RNF126: variants seen among roughly 807,000 people sequenced by gnomAD.
The protein encoded by RNF126 is ring finger protein 126, also known as E3 ubiquitin-protein ligase RNF126.
RNF126 carries 20 observed loss-of-function variants against 41.9 expected under a neutral mutation model. That is an observed-to-expected ratio of 0.48 (90% CI 0.34 to 0.69). The LOEUF (loss-of-function observed/expected upper bound fraction) is 0.69, where lower values mean the gene tolerates loss of function less well. Ranked by LOEUF, RNF126 falls within the 30% of genes least tolerant of loss-of-function variation. The pLI is 0.01. For synonymous variants in RNF126, 239 were observed against 202.9 expected (o/e 1.18, Z -1.51); for missense variants, 433 against 460.6 (o/e 0.94, Z 0.55).
rs2030115634 is a variant in RNF126, at chr19:648,872, GCT to G, written c.670+8_670+9del. 2 of 1,437,284 alleles carry G rather than the reference GCT, an allele frequency of 1.4e-6. No individual in the cohort carries two copies. The highest frequency in any genetic ancestry group is 2.5e-5 in the Admixed American group (1 of 39,490). The allele number at this position is 1,437,284 out of a possible 1,614,324, so 89.0% of individuals were successfully genotyped here. The stretch of plus-strand genomic sequence containing the variant: ...TAATTCCCACTACTCGGGAGGCTGA[GCT>G]CTCATACCTACGTGCTCCTCAGTGA... On this transcript the variant is annotated splice_region_variant and intron_variant, in intron 7 of 8. Coordinates refer to ENST00000292363, the MANE Select transcript of RNF126 (RefSeq NM_194460.3).
At chr19:657,537 C>T (rs2030609368) in intron 1 of RNF126, among the ~76,000 whole-genome samples, 1 of 152,228 alleles carries the variant, frequency 6.6e-6, no homozygotes, top group Admixed American at 6.5e-5. Flanking sequence ...CCCACTCCAG[C>T]GTCGGGGCCT....
rs1309787009 is a variant in RNF126, at chr19:663,104, C to T, written c.18G>A (p.Pro6=). The T allele has an allele frequency of 4.5e-6, 6 of 1,337,198 alleles. No homozygotes were observed. The highest frequency in any genetic ancestry group is 2.9e-5 in the Admixed American group (1 of 34,062). The allele number at this position is 1,337,198 out of a possible 1,614,324, so 82.8% of individuals were successfully genotyped here. A position where few individuals can be genotyped will look rare whatever the true frequency, so the allele number is the denominator to read the frequency against. ...AGTGGCAGAAGTACCGTCCGGGATG[C>T]GGCGACGCCTCGGCCATGGCCGCCG... MAEAS[P]HPGRYFCHCC... is the part of the protein sequence containing the mutation. Residue 6 remains proline (P), a synonymous_variant, in exon 1 of 9, where the codon CCG becomes CCA. Coordinates refer to ENST00000292363, the MANE Select transcript of RNF126 (RefSeq NM_194460.3).
Position 648,132 on chromosome 19 carries a change from G to T in RNF126, c.932C>A (p.Ser311Ter). ...TTCCCGACGGCCGACGTGGGCTCAC[G>T]AGTTGCTTGTGGCGTTCTCGTTGCT... ...SPSNENATSN[S>*] The change falls in exon 9 of 9, where the codon TCG (serine) becomes TAG (stop). Residue 311 changes from serine to a stop codon, truncating the protein, a stop_gained. Coordinates refer to ENST00000292363, the MANE Select transcript of RNF126 (RefSeq NM_194460.3). LOFTEE classifies it high-confidence loss of function. 6.3e-7 allele frequency: 1 copy of T among 1,583,430 alleles called. No homozygotes were observed. Among genetic ancestry groups the T allele is most frequent in the Admixed American group, 1.7e-5 (1 of 58,282 alleles).
chr19:663,149 C>T lies in RNF126; in HGVS notation c.-28G>A. 4 of 1,138,338 alleles carry T rather than the reference C, an allele frequency of 3.5e-6. No homozygotes were observed. The highest frequency in any genetic ancestry group is 4.4e-6 in the Non-Finnish European group (4 of 917,442). 70.5% of individuals were successfully genotyped at this position (1,138,338 alleles called of 1,614,324 possible). ...CCGCCGCCACCTACTCCGCGCCGCC[C>T]GCCCCCCGCGCGGCACCCGCCGCCG... On this transcript the variant is annotated 5_prime_UTR_variant, in exon 1 of 9. Transcript: ENST00000292363.
At chr19:655,602 A>C (rs2144768861) in intron 1 of RNF126, among the ~76,000 whole-genome samples, 1 of 152,216 alleles carries the variant, frequency 6.6e-6, no homozygotes, top group East Asian at 1.9e-4. Context: ...GCCAGCCAGG[A>C]CGAGATGCAA....
intron 2 of RNF126, 106 bp from the exon 3 acceptor site, chr19:652,402 G>A (rs1027572750): frequency 2.6e-5 from 27 of 1,034,558 alleles, no homozygotes; most frequent in Non-Finnish European, 3.6e-5. Context: ...ATTGTCCTTG[G>A]CACTGCTTCC....
At chr19:655,748 G>A (rs530044690) in intron 1 of RNF126, among the ~76,000 whole-genome samples, 39 of 152,278 alleles carry the variant, frequency 2.6e-4, no homozygotes, top group African/African-American at 8.7e-4. Context: ...CACATGGCCA[G>A]AACTGGCAGG....
chr19:657,512 CCT>C (rs1294757854), intron 1 of RNF126, among the ~76,000 whole-genome samples: 2 of 152,218 alleles, frequency 1.3e-5, no homozygotes, highest in Non-Finnish European at 2.9e-5. Flanking sequence ...TGTCCAGAAC[CCT>C]CTCTCTGCAG....
chr19:654,551 G>C (rs1396338602), intron 1 of RNF126, among the ~76,000 whole-genome samples: 1 of 149,458 alleles, frequency 6.7e-6, no homozygotes, highest in African/African-American at 2.5e-5. Flanking sequence ...GCTGAGGCAG[G>C]AGAATTGCTT....
In RNF126 at chr19:662,597, A is replaced by G. The variant is rs952950496; in HGVS notation, c.75+450T>C. ...CGCTCGGCGGGGGTCCCCTGGCGTT[A>G]TTCTCGGGGTCCGAGCCCCGCCAGG... On this transcript the variant is annotated intron_variant, in intron 1 of 8. Coordinates refer to ENST00000292363, the MANE Select transcript of RNF126 (RefSeq NM_194460.3). Among the ~76,000 whole-genome samples the G allele has an allele frequency of 3.9e-5, 6 of 152,094 alleles. No homozygotes were observed. The South Asian group carries it at 1.2e-3, about 32-fold the overall frequency.
chr19:655,807 C>A (rs2030539413), intron 1 of RNF126, among the ~76,000 whole-genome samples: 1 of 152,134 alleles, frequency 6.6e-6, no homozygotes, highest in South Asian at 2.1e-4. Context: ...CAGATGCAAA[C>A]AGCTCCAGTG....
At position 659,625 on chromosome 19, in the gene RNF126, T is replaced by A. The variant is rs140074299; in HGVS notation, c.75+3422A>T. On this transcript the variant is annotated intron_variant, in intron 1 of 8. Transcript: ENST00000292363. This position sits in a 1 kb window ranked among gnomAD's most constrained non-coding sequence, Gnocchi z 4.9. ...TACAGTCACAGCTCCAGTCAGTGCC[T>A]CCTCAGCAGGCTCGAGTCTGGGTCT... 6.6e-6 allele frequency among the ~76,000 whole-genome samples: 1 copy of A among 152,078 alleles called. No homozygotes were observed. Among genetic ancestry groups the A allele is most frequent in the Non-Finnish European group, 1.5e-5 (1 of 68,008 alleles).
chr19:652,597 G>T, intron 2 of RNF126: 1 of 607,930 alleles, frequency 1.6e-6, no homozygotes. Flanking sequence ...GAGGCTGAGG[G>T]AGGTGAGCGG....
intron 1 of RNF126, among the ~76,000 whole-genome samples, chr19:657,375 G>T (rs989062319): frequency 6.6e-6 from 1 of 152,218 alleles, no homozygotes; most frequent in Admixed American, 6.5e-5. Context: ...GCATGCTCCC[G>T]CCACCCGCAC....
intron 1 of RNF126, among the ~76,000 whole-genome samples, chr19:658,070 A>G (rs1188419670): frequency 6.6e-6 from 1 of 151,904 alleles, no homozygotes; most frequent in Non-Finnish European, 1.5e-5. Flanking sequence ...CTAGCAGAAG[A>G]CGGTGAATCC....
At chr19:650,814 A>C (rs1474239249) in intron 4 of RNF126, among the ~76,000 whole-genome samples, 1 of 151,474 alleles carries the variant, frequency 6.6e-6, no homozygotes, top group East Asian at 1.9e-4. Flanking sequence ...GCTGGTCTCA[A>C]ACTCCTGACC....
intron 4 of RNF126, 66 bp from the exon 5 acceptor site, chr19:650,362 C>A: frequency 6.9e-7 from 1 of 1,457,930 alleles, no homozygotes; most frequent in South Asian, 1.2e-5. Context: ...CCAGGCCTGC[C>A]AGGTCCGTGG....
At chr19:655,881 C>T (rs1443881660) in intron 1 of RNF126, among the ~76,000 whole-genome samples, 2 of 151,748 alleles carry the variant, frequency 1.3e-5, no homozygotes, top group South Asian at 2.1e-4. Context: ...CAGGCCACGG[C>T]GGGGGGGAGG....
At chr19:648,694 T>C (rs1343879055) in intron 7 of RNF126, among the ~76,000 whole-genome samples, 188 bp downstream of exon 7, 2 of 151,808 alleles carry the variant, frequency 1.3e-5, no homozygotes, top group Admixed American at 6.6e-5. Context: ...CGAGGCCGGG[T>C]GCGGTGGCTC....
Sources: gnomAD v4.1 joint callset for allele counts (sites outside exome capture counted in the v4.1 genomes callset) on GRCh38, gnomAD v4.1.1 for gene constraint, Gnocchi (gnomAD v3.1) non-coding constraint, MANE v1.5 for transcripts, NCBI Gene and HGNC (gene_info 2026-07-23, HGNC 2026-07-21) for gene names.